Variants in NBEA observed in about 807,000 individuals in gnomAD.
The protein encoded by NBEA is neurobeachin, also known as lysosomal-trafficking regulator 2.
NBEA carries 44 observed loss-of-function variants against 343.4 expected under a neutral mutation model. The observed-to-expected ratio is 0.13, with a 90% confidence interval of 0.10 to 0.16. The LOEUF is 0.16. Ranked by LOEUF, NBEA falls within the 10% of genes least tolerant of loss-of-function variation. NBEA has a pLI of 1.00. For missense variants in NBEA, 2,555 were observed against 3,631.3 expected, an observed-to-expected ratio of 0.70 and a Z score of 7.62; for synonymous variants, 1,175 against 1,238.7, an observed-to-expected ratio of 0.95 and a Z score of 1.08.
At chr13:35,581,192 G>A (rs1409383769) in intron 45 of NBEA, among the ~76,000 whole-genome samples, 1 of 152,018 alleles carries the variant, frequency 6.6e-6, no homozygotes, top group Admixed American at 6.6e-5. Flanking sequence ...TTGAGGAATC[G>A]CCACACTGAC....
At chr13:35,469,213 G>T (rs554414831) in intron 40 of NBEA, among the ~76,000 whole-genome samples, 16 of 150,826 alleles carry the variant, frequency 1.1e-4, no homozygotes, top group Non-Finnish European at 1.9e-4. Flanking sequence ...AAACCCACAA[G>T]TATTTAACAT....
intron 41 of NBEA, among the ~76,000 whole-genome samples, chr13:35,488,532 T>A (rs898666542): frequency 6.6e-6 from 1 of 151,932 alleles, no homozygotes. Flanking sequence ...GCTTGATCAA[T>A]GACTAGCAAA....
chr13:34,992,537 T>G (rs1285852571), intron 1 of NBEA, among the ~76,000 whole-genome samples: 2 of 151,486 alleles, frequency 1.3e-5, no homozygotes, highest in Non-Finnish European at 2.9e-5. Context: ...AGTCCCTTAA[T>G]GGGGAGAAAA....
intron 41 of NBEA, among the ~76,000 whole-genome samples, chr13:35,546,338 G>A (rs1214723573): frequency 6.6e-6 from 1 of 151,968 alleles, no homozygotes; most frequent in Non-Finnish European, 1.5e-5. Flanking sequence ...GGTGGCACAC[G>A]CCTGTAGTTC....
chr13:35,111,044 A>T, intron 13 of NBEA, 66 bp downstream of exon 13: 1 of 1,366,964 alleles, frequency 7.3e-7, no homozygotes, highest in Non-Finnish European at 1.0e-6. Flanking sequence ...AGTACTGTTA[A>T]AGTGAGCAGT....
chr13:35,068,950 A>T (rs1182915355), intron 8 of NBEA, among the ~76,000 whole-genome samples: 3 of 152,106 alleles, frequency 2.0e-5, no homozygotes, highest in Non-Finnish European at 4.4e-5. Flanking sequence ...GCATATCTGT[A>T]TGCCTCCCGT....
At chr13:35,050,633 G>A (rs1031177270) in intron 6 of NBEA, among the ~76,000 whole-genome samples, 4 of 151,890 alleles carry the variant, frequency 2.6e-5, no homozygotes, top group Non-Finnish European at 4.4e-5. Flanking sequence ...AGTCTGATCT[G>A]TTTTATGGCA....
In NBEA at chr13:35,376,861, C is replaced by T. The variant is rs763710585; in HGVS notation, c.6179+24538C>T. Reference sequence around the variant, plus strand: ...AGAAAAGTTTCTGTAAGCCTGCCTCCGGTTGACCATGTGGTACCCCACTGA... The same window carrying T: ...AGAAAAGTTTCTGTAAGCCTGCCTCTGGTTGACCATGTGGTACCCCACTGA... On this transcript the variant is annotated intron_variant, in intron 38 of 58. Coordinates refer to ENST00000379939, the MANE Select transcript of NBEA (RefSeq NM_001385012.1). Among the ~76,000 whole-genome samples the T allele has an allele frequency of 1.2e-4, 18 of 152,190 alleles. No individual in the cohort carries two copies. In the South Asian group the frequency reaches 1.9e-3, roughly 16 times the overall value.
chr13:35,421,697 G>A (rs1485106181), intron 38 of NBEA, among the ~76,000 whole-genome samples: 1 of 151,976 alleles, frequency 6.6e-6, no homozygotes, highest in Non-Finnish European at 1.5e-5. Flanking sequence ...CTTTCTTTTA[G>A]ACTAGCTCTG....
At chr13:35,226,931 G>A (rs2074686901) in intron 33 of NBEA, among the ~76,000 whole-genome samples, 1 of 151,798 alleles carries the variant, frequency 6.6e-6, no homozygotes, top group African/African-American at 2.4e-5. Context: ...CTTGAAAAAT[G>A]TTTACTTGGA....
intron 55 of NBEA, 129 bp from the exon 56 acceptor site, chr13:35,664,956 C>T: frequency 1.5e-6 from 1 of 656,414 alleles, no homozygotes; most frequent in South Asian, 1.9e-5. Flanking sequence ...AAGTAACTGG[C>T]TCATGGTCAC....
chr13:35,101,714 A>T (rs148909088), intron 11 of NBEA, among the ~76,000 whole-genome samples: 1,916 of 151,316 alleles, frequency 0.013, 21 homozygotes, highest in Middle Eastern at 0.027. Flanking sequence ...TTCCTTTGGG[A>T]TATCTTCTTT....
intron 38 of NBEA, among the ~76,000 whole-genome samples, chr13:35,356,106 C>T (rs2040477775): frequency 6.6e-6 from 1 of 152,036 alleles, no homozygotes; most frequent in Non-Finnish European, 1.5e-5. Context: ...TGAATAAACA[C>T]TTGGTGTATG....
intron 43 of NBEA, among the ~76,000 whole-genome samples, chr13:35,552,062 T>C (rs567423110): frequency 2.0e-5 from 3 of 152,312 alleles, no homozygotes; most frequent in East Asian, 1.9e-4. Context: ...AGGATTTCCG[T>C]TGATGAAGAA....
At chr13:35,118,729 A>C (rs940672060) in intron 16 of NBEA, among the ~76,000 whole-genome samples, 1 of 151,268 alleles carries the variant, frequency 6.6e-6, no homozygotes, top group African/African-American at 2.4e-5. Context: ...TGAATAGAGC[A>C]TTTTTTTTTC....
At chr13:35,413,497 T>C (rs2043713214) in intron 38 of NBEA, among the ~76,000 whole-genome samples, 1 of 152,140 alleles carries the variant, frequency 6.6e-6, no homozygotes, top group Admixed American at 6.6e-5. Flanking sequence ...CCTCTGTAGC[T>C]TTTAAAGGGG....
chr13:35,119,621 C>T (rs993561884), intron 16 of NBEA, among the ~76,000 whole-genome samples: 2 of 152,124 alleles, frequency 1.3e-5, no homozygotes, highest in Non-Finnish European at 2.9e-5. Context: ...CTCTGTCGCC[C>T]AGGCTGGAGT....
At chr13:35,220,223 A>G (rs1466156114) in intron 33 of NBEA, among the ~76,000 whole-genome samples, 2 of 152,140 alleles carry the variant, frequency 1.3e-5, no homozygotes, top group Non-Finnish European at 2.9e-5. Context: ...TTCATCTTAA[A>G]TTCACACCCT....
chr13:35,139,615 A>G (rs1290202093), intron 17 of NBEA, among the ~76,000 whole-genome samples: 1 of 151,992 alleles, frequency 6.6e-6, no homozygotes, highest in Non-Finnish European at 1.5e-5. Flanking sequence ...TTTTCCAGTA[A>G]ATGTCCCACT....
Sources: allele counts gnomAD v4.1 joint callset (sites outside exome capture counted in the v4.1 genomes callset), GRCh38; gene constraint gnomAD v4.1.1; transcripts MANE v1.5; gene names NCBI Gene and HGNC (gene_info 2026-07-23, HGNC 2026-07-21).